The following SLC39A10 variants were observed in gnomAD, a reference collection of about 807,000 sequenced individuals.
The protein encoded by SLC39A10 is zinc transporter ZIP10.
SLC39A10 carries 13 observed loss-of-function variants against 65.1 expected under a neutral mutation model. The observed-to-expected ratio is 0.20, with a 90% CI of 0.13 to 0.32. SLC39A10 has a LOEUF of 0.32. Among genes scored for constraint, SLC39A10 ranks in the 10% least tolerant of loss-of-function variants. SLC39A10 has a pLI of 1.00. For synonymous variants in SLC39A10, 321 were observed against 342.2 expected, an observed-to-expected ratio of 0.94 and a Z score of 0.68; for missense variants, 831 against 1,018.4, an observed-to-expected ratio of 0.82 and a Z score of 2.50.
intron 2 of SLC39A10, among the ~76,000 whole-genome samples, chr2:195,617,619 C>T (rs72929761): frequency 0.2 from 30,874 of 151,994 alleles, 3,395 homozygotes; most frequent in East Asian, 0.34. Context: ...GCCTGTAAGT[C>T]GAGCACTTTG....
intron 1 of SLC39A10, among the ~76,000 whole-genome samples, chr2:195,672,916 A>C (rs1689925968): frequency 6.6e-6 from 1 of 152,138 alleles, no homozygotes; most frequent in Admixed American, 6.6e-5. Flanking sequence ...CAGGGAGCTA[A>C]AGGAATATGT....
upstream of SLC39A10, among the ~76,000 whole-genome samples, chr2:195,656,530 C>G (rs983620988): frequency 3.3e-5 from 5 of 152,132 alleles, no homozygotes; most frequent in African/African-American, 1.2e-4. Context: ...ACATGTGTGA[C>G]ATGTTCTCAG....
At chr2:195,615,467 G>A (rs2105680273) in intron 2 of SLC39A10, among the ~76,000 whole-genome samples, 1 of 152,238 alleles carries the variant, frequency 6.6e-6, no homozygotes, top group Non-Finnish European at 1.5e-5. Context: ...CCGGCCATCT[G>A]GCCAGTTTTT....
intron 5 of SLC39A10, 149 bp from the exon 6 acceptor site, chr2:195,713,284 C>T (rs2105820497): frequency 5.1e-6 from 3 of 590,412 alleles, no homozygotes; most frequent in Non-Finnish European, 5.3e-6. Context: ...TGCTTTACTC[C>T]CAAGAATTTT....
At chr2:195,672,454 A>G (rs150897621) in intron 1 of SLC39A10, among the ~76,000 whole-genome samples, 1 of 152,284 alleles carries the variant, frequency 6.6e-6, no homozygotes, top group Non-Finnish European at 1.5e-5. Flanking sequence ...GAAAGCATAC[A>G]TCTGCTATAG....
At chr2:195,676,410 TTTAG>T (rs1205227747) in intron 1 of SLC39A10, among the ~76,000 whole-genome samples, 1 of 152,008 alleles carries the variant, frequency 6.6e-6, no homozygotes, top group African/African-American at 2.4e-5. Flanking sequence ...TTTTAAAGAA[TTTAG>T]TTAATCAAAA....
chr2:195,619,309 G>C (rs1370066852), intron 2 of SLC39A10, among the ~76,000 whole-genome samples: 1 of 152,160 alleles, frequency 6.6e-6, no homozygotes, highest in Non-Finnish European at 1.5e-5. Flanking sequence ...AAACCAATTA[G>C]CTATAGGTAG....
chr2:195,655,638 A>C (rs1242471810), upstream of SLC39A10, among the ~76,000 whole-genome samples: 1 of 152,214 alleles, frequency 6.6e-6, no homozygotes, highest in Non-Finnish European at 1.5e-5. Flanking sequence ...TGAGGACCAC[A>C]GCTATTGTCT....
chr2:195,671,214 TATA>T (rs1353408023), intron 1 of SLC39A10, among the ~76,000 whole-genome samples: 9 of 152,346 alleles, frequency 5.9e-5, no homozygotes, highest in Admixed American at 5.9e-4. Flanking sequence ...TTCAAAATAG[TATA>T]ATAATTAGCA....
chr2:195,617,607 AC>A (rs1688244679), intron 2 of SLC39A10, among the ~76,000 whole-genome samples: 1 of 152,142 alleles, frequency 6.6e-6, no homozygotes, highest in African/African-American at 2.4e-5. Flanking sequence ...ATGGTGGCTC[AC>A]GCCTGTAAGT....
upstream of SLC39A10, among the ~76,000 whole-genome samples, chr2:195,652,780 G>A (rs1211859690): frequency 1.3e-5 from 2 of 152,124 alleles, no homozygotes; most frequent in African/African-American, 4.8e-5. Context: ...CCACTAGACT[G>A]GTTCGGGTGC....
At chr2:195,733,020 C>T (rs960488316) in intron 9 of SLC39A10, among the ~76,000 whole-genome samples, 2 of 152,180 alleles carry the variant, frequency 1.3e-5, no homozygotes, top group African/African-American at 4.8e-5. Context: ...TTTATGATAG[C>T]ATGCTGTAGT....
intron 2 of SLC39A10, among the ~76,000 whole-genome samples, chr2:195,617,704 C>CTTTTATTTTATTTTATTTTATTTTA (rs769524272): frequency 0.089 from 12,279 of 137,758 alleles, 995 homozygotes; most frequent in African/African-American, 0.13. Flanking sequence ...GACCTTGTTT[C>CTTTTATTTTATTTTATTTTATTTTA]TTTTCTTTTC....
intron 2 of SLC39A10, among the ~76,000 whole-genome samples, chr2:195,622,972 C>CAAAAAAA (rs11440347): frequency 3.1e-5 from 3 of 96,862 alleles, no homozygotes; most frequent in Non-Finnish European, 6.0e-5. Context: ...ACTCCTGTCT[C>CAAAAAAA]AAAAAAAAAA....
chr2:195,659,540 C>T (rs1689301064), intron 1 of SLC39A10, among the ~76,000 whole-genome samples: 1 of 152,106 alleles, frequency 6.6e-6, no homozygotes, highest in Non-Finnish European at 1.5e-5. Context: ...GAGAAATTTA[C>T]CTTGTTAATA....
chr2:195,715,639 C>G (rs1691776898), intron 6 of SLC39A10, among the ~76,000 whole-genome samples: 1 of 151,630 alleles, frequency 6.6e-6, no homozygotes, highest in African/African-American at 2.4e-5. Flanking sequence ...TAGGTGTATG[C>G]TTTCTGTGAC....
intron 1 of SLC39A10, chr2:195,674,593 C>T (rs1043165938): frequency 2.1e-5 from 21 of 985,120 alleles, no homozygotes; most frequent in Admixed American, 6.2e-5. Flanking sequence ...TCTTTATTTA[C>T]CTCCTTTTTT....
At chr2:195,674,717 T>C in intron 1 of SLC39A10, 2 of 892,340 alleles carry the variant, frequency 2.2e-6, no homozygotes, top group Non-Finnish European at 2.7e-6. Flanking sequence ...GATTTTGTCA[T>C]TGTGTGAACA....
At position 195,633,987 on chromosome 2, in the gene SLC39A10, T is replaced by A. The variant is rs147843304; in HGVS notation, c.-12+27754T>A. Among the ~76,000 whole-genome samples, 37 of 152,326 alleles carry A rather than the reference T, an allele frequency of 2.4e-4. No individual in the cohort carries two copies. In the East Asian group the frequency reaches 6.9e-3, roughly 29 times the overall value. ...CTGCCTAGAATTTCTCTGCCTCCTG[T>A]CCCTATCAACAGTGTGATATATAAA... On this transcript the variant is annotated intron_variant, in intron 2 of 2. Coordinates refer to the SLC39A10 transcript ENST00000458054.
Sources: allele counts gnomAD v4.1 joint callset (sites outside exome capture counted in the v4.1 genomes callset), GRCh38; gene constraint gnomAD v4.1.1; transcripts MANE v1.5; gene names NCBI Gene and HGNC (gene_info 2026-07-23, HGNC 2026-07-21).